The following FBXL20 variants were observed in gnomAD, a reference collection of about 807,000 sequenced individuals.
FBXL20 encodes F-box/LRR-repeat protein 20.
In FBXL20, 11 loss-of-function variants were observed where a neutral mutation model predicts 64.0. The observed-to-expected ratio is 0.17, with a 90% CI of 0.11 to 0.28. The LOEUF (loss-of-function observed/expected upper bound fraction) is 0.28. Ranked by LOEUF, FBXL20 falls within the 10% of genes least tolerant of loss-of-function variation. FBXL20 has a pLI of 1.00. For missense variants in FBXL20, 303 were observed against 526.2 expected (o/e 0.58, Z 4.15); for synonymous variants, 184 against 189.0 (o/e 0.97, Z 0.22).
intron 2 of FBXL20, among the ~76,000 whole-genome samples, chr17:39,337,861 G>C (rs1484024447): frequency 2.6e-5 from 4 of 151,680 alleles, no homozygotes; most frequent in African/African-American, 9.7e-5. Context: ...CCGTCCAGGA[G>C]GGAGGAGGGG....
intron 9 of FBXL20, among the ~76,000 whole-genome samples, chr17:39,277,754 CAAAAAAAAA>C (rs34095802): frequency 1.1e-5 from 1 of 89,904 alleles, no homozygotes; most frequent in East Asian, 3.1e-4. Context: ...AACTCCGTCT[CAAAAAAAAA>C]AAAAAAAAAA....
intron 9 of FBXL20, among the ~76,000 whole-genome samples, chr17:39,277,981 G>T (rs2046913981): frequency 6.6e-6 from 1 of 151,972 alleles, no homozygotes; most frequent in Non-Finnish European, 1.5e-5. Flanking sequence ...AGATAGAATT[G>T]GTTCTTTACG....
intron 1 of FBXL20, among the ~76,000 whole-genome samples, chr17:39,398,847 G>C (rs1289573831): frequency 1.3e-5 from 2 of 151,970 alleles, no homozygotes; most frequent in Non-Finnish European, 2.9e-5. Flanking sequence ...GCTAATTTTT[G>C]TATTTTTAGT....
chr17:39,315,604 G>A (rs933538079), intron 2 of FBXL20, among the ~76,000 whole-genome samples: 5 of 151,588 alleles, frequency 3.3e-5, no homozygotes, highest in African/African-American at 7.3e-5. Context: ...CTTGAGGAGG[G>A]TGACCTAGCA....
At chr17:39,320,090 C>A (rs1395844357) in intron 2 of FBXL20, among the ~76,000 whole-genome samples, 1 of 152,168 alleles carries the variant, frequency 6.6e-6, no homozygotes, top group African/African-American at 2.4e-5. Context: ...CATACATACA[C>A]GTACACACAG....
chr17:39,315,639 T>A (rs1370212534), intron 2 of FBXL20, among the ~76,000 whole-genome samples: 1 of 151,028 alleles, frequency 6.6e-6, no homozygotes, highest in Non-Finnish European at 1.5e-5. Context: ...ACAAGCAGGG[T>A]GAATGGGCAG....
intron 1 of FBXL20, among the ~76,000 whole-genome samples, chr17:39,374,217 T>C (rs1197875320): frequency 1.4e-5 from 2 of 146,042 alleles, no homozygotes; most frequent in South Asian, 2.2e-4. Flanking sequence ...AAAGCAAAAC[T>C]ACGTCTCAAA....
At chr17:39,399,280 G>C (rs1322031749) in intron 1 of FBXL20, among the ~76,000 whole-genome samples, 1 of 152,170 alleles carries the variant, frequency 6.6e-6, no homozygotes, top group Non-Finnish European at 1.5e-5. Context: ...CTGTAATCTT[G>C]AGGATTTAAA....
chr17:39,336,863 G>A (rs1020005375), intron 2 of FBXL20, among the ~76,000 whole-genome samples: 1 of 151,448 alleles, frequency 6.6e-6, no homozygotes, highest in Non-Finnish European at 1.5e-5. Context: ...AGAAAGAATT[G>A]AGCAGACAGA....
At chr17:39,335,013 G>T (rs1476470659) in intron 2 of FBXL20, among the ~76,000 whole-genome samples, 1 of 152,162 alleles carries the variant, frequency 6.6e-6, no homozygotes, top group Non-Finnish European at 1.5e-5. Context: ...GAAAGAGCTG[G>T]AGTCCTTTAA....
intron 9 of FBXL20, among the ~76,000 whole-genome samples, chr17:39,278,649 G>A (rs1410113149): frequency 6.7e-6 from 1 of 148,430 alleles, no homozygotes; most frequent in South Asian, 2.2e-4. Flanking sequence ...CTGGGTTCAA[G>A]CGATTCTCCT....
intron 2 of FBXL20, among the ~76,000 whole-genome samples, chr17:39,335,203 A>G (rs538131559): frequency 6.6e-6 from 1 of 152,238 alleles, no homozygotes; most frequent in East Asian, 1.9e-4. Flanking sequence ...TCTTAACTGA[A>G]TAACTGTCTT....
intron 1 of FBXL20, among the ~76,000 whole-genome samples, chr17:39,383,208 T>C (rs2048044029): frequency 1.3e-5 from 2 of 148,322 alleles, no homozygotes; most frequent in Admixed American, 1.3e-4. Context: ...TATAATGGAA[T>C]ACTATGTAAC....
chr17:39,347,668 TTG>T (rs1421755691), intron 1 of FBXL20, among the ~76,000 whole-genome samples: 2 of 152,206 alleles, frequency 1.3e-5, no homozygotes, highest in Non-Finnish European at 2.9e-5. Flanking sequence ...GCAGTTTCTT[TTG>T]CTGTGCAGAA....
In FBXL20 at chr17:39,297,213, T is replaced by A. The variant is rs367956660; in HGVS notation, c.330-18A>T. 85 of 1,586,508 alleles carry A rather than the reference T, an allele frequency of 5.4e-5. No homozygotes were observed. Among genetic ancestry groups the A allele is most frequent in the Middle Eastern group, 1.7e-4 (1 of 5,986 alleles). Reference sequence around the variant, plus strand: ...CAAAGGTTCTTTGTAGGAAAGAAAGTAAGAGGTTTCAAATGAAATAGGCCA... The same window carrying A: ...CAAAGGTTCTTTGTAGGAAAGAAAGAAAGAGGTTTCAAATGAAATAGGCCA... On this transcript the variant is annotated intron_variant, in intron 5 of 14. Coordinates refer to ENST00000264658, the MANE Select transcript of FBXL20 (RefSeq NM_032875.3).
intron 1 of FBXL20, among the ~76,000 whole-genome samples, chr17:39,352,177 A>C (rs1176304665): frequency 4.6e-5 from 7 of 152,164 alleles, no homozygotes; most frequent in Non-Finnish European, 8.8e-5. Flanking sequence ...CCAAGAAACC[A>C]CTTCAGGAGG....
At chr17:39,365,875 A>C (rs1267686495) in intron 1 of FBXL20, among the ~76,000 whole-genome samples, 1 of 152,184 alleles carries the variant, frequency 6.6e-6, no homozygotes, top group Non-Finnish European at 1.5e-5. Context: ...ATTCAAAGTG[A>C]CAATATTATT....
At chr17:39,313,086 T>C (rs1415291058) in intron 2 of FBXL20, among the ~76,000 whole-genome samples, 1 of 149,748 alleles carries the variant, frequency 6.7e-6, no homozygotes, top group Non-Finnish European at 1.5e-5. Flanking sequence ...GCCTGGCTAA[T>C]TTTATTATTT....
At chr17:39,328,047 A>C (rs2047424833) in intron 2 of FBXL20, among the ~76,000 whole-genome samples, 1 of 152,046 alleles carries the variant, frequency 6.6e-6, no homozygotes, top group African/African-American at 2.4e-5. Flanking sequence ...CAGGAGTTTG[A>C]GACCAGCCTG....
Sources: allele counts gnomAD v4.1 joint callset (sites outside exome capture counted in the v4.1 genomes callset), GRCh38; gene constraint gnomAD v4.1.1; transcripts MANE v1.5; gene names NCBI Gene and HGNC (gene_info 2026-07-23, HGNC 2026-07-21).